ANTXR1: variants seen among roughly 807,000 people sequenced by gnomAD.
ANTXR1 encodes ANTXR cell adhesion molecule 1.
In ANTXR1, 19 loss-of-function variants were observed where a neutral mutation model predicts 78.1. The observed-to-expected ratio is 0.24, with a 90% confidence interval of 0.17 to 0.36. The LOEUF (loss-of-function observed/expected upper bound fraction) is 0.36, where lower values mean the gene tolerates loss of function less well. Ranked by LOEUF, ANTXR1 falls within the 10% of genes least tolerant of loss-of-function variation. The pLI is 1.00. For synonymous variants in ANTXR1, 273 were observed against 260.5 expected (o/e 1.05, Z -0.46); for missense variants, 518 against 718.6 (o/e 0.72, Z 3.19).
intron 10 of ANTXR1, among the ~76,000 whole-genome samples, chr2:69,120,388 G>A (rs1042165018): frequency 3.2e-4 from 48 of 152,148 alleles, no homozygotes; most frequent in African/African-American, 1.0e-3. Flanking sequence ...TGCTTGGGCC[G>A]GGTGCGGTGG....
intron 17 of ANTXR1, 27 bp downstream of exon 17, chr2:69,193,442 GTC>G (rs10627389): frequency 0.02 from 21,293 of 1,082,596 alleles, 3 homozygotes; most frequent in Non-Finnish European, 0.02. Context: ...CATTAATGGT[GTC>G]TCTCTCTCTC....
At chr2:69,182,927 T>C (rs1015251565) in intron 16 of ANTXR1, 8 of 486,292 alleles carry the variant, frequency 1.6e-5, no homozygotes, top group African/African-American at 1.4e-4. Context: ...ATAGAGAAGA[T>C]TAGCATGACC....
chr2:69,109,454 A>T (rs990744519), intron 10 of ANTXR1, among the ~76,000 whole-genome samples: 3 of 152,250 alleles, frequency 2.0e-5, no homozygotes, highest in Non-Finnish European at 4.4e-5. Flanking sequence ...CGATTTTAAG[A>T]TTTATAAAAA....
chr2:69,122,264 G>T (rs60889755), intron 10 of ANTXR1, among the ~76,000 whole-genome samples: 24,162 of 152,078 alleles, frequency 0.16, 2,145 homozygotes, highest in African/African-American at 0.23. Context: ...CTCATGTTTT[G>T]TGCTTTCCGA....
chr2:69,199,364 C>T (rs969790742), intron 17 of ANTXR1, among the ~76,000 whole-genome samples: 2 of 152,158 alleles, frequency 1.3e-5, no homozygotes, highest in Non-Finnish European at 1.5e-5. Flanking sequence ...ACCTCTCACC[C>T]TGAGAGTCTG....
chr2:69,177,949 C>T (rs563843061), intron 14 of ANTXR1, among the ~76,000 whole-genome samples: 49 of 152,280 alleles, frequency 3.2e-4, no homozygotes, highest in Non-Finnish European at 4.6e-4. Context: ...CATCCAGCCC[C>T]ATCCTCCAAT....
chr2:69,197,435 C>G (rs566895255), intron 17 of ANTXR1, among the ~76,000 whole-genome samples: 17 of 152,296 alleles, frequency 1.1e-4, no homozygotes, highest in African/African-American at 4.1e-4. Context: ...TCCTTCATCA[C>G]CTCCAAATGG....
Position 69,070,355 on chromosome 2 carries a change from T to C in ANTXR1, c.297-292T>C, listed in dbSNP as rs141323733. ...CCCATCAGGAGCAGCATTTAGAGAC[T>C]CATTTCCAATGTAGAAGGAAAACAT... On this transcript the variant is annotated intron_variant, in intron 3 of 17. Coordinates refer to ENST00000303714, the MANE Select transcript of ANTXR1 (RefSeq NM_032208.3). 2.0e-5 allele frequency among the ~76,000 whole-genome samples: 3 copies of C among 152,292 alleles called. No individual in the cohort carries two copies. The East Asian group carries it at 5.8e-4, about 29-fold the overall frequency.
intron 1 of ANTXR1, among the ~76,000 whole-genome samples, chr2:69,014,192 G>C (rs1030285045): frequency 6.6e-6 from 1 of 152,212 alleles, no homozygotes; most frequent in Non-Finnish European, 1.5e-5. Flanking sequence ...ATGAAAGGCA[G>C]GGTTTCTTAA....
At chr2:69,184,783 T>A (rs1241935902) in intron 16 of ANTXR1, among the ~76,000 whole-genome samples, 1 of 152,318 alleles carries the variant, frequency 6.6e-6, no homozygotes, top group East Asian at 1.9e-4. Flanking sequence ...GCAGCTACTG[T>A]GTGCCAGGCA....
At chr2:69,180,283 G>A (rs1305537467) in intron 14 of ANTXR1, among the ~76,000 whole-genome samples, 2 of 152,238 alleles carry the variant, frequency 1.3e-5, no homozygotes, top group African/African-American at 2.4e-5. Context: ...AAGGCTGTGA[G>A]AAGCAGGCTT....
chr2:69,214,969 A>G (rs966720073), intron 17 of ANTXR1, among the ~76,000 whole-genome samples: 1 of 152,096 alleles, frequency 6.6e-6, no homozygotes, highest in Non-Finnish European at 1.5e-5. Flanking sequence ...GTCCTATTAC[A>G]TAGCCTCTTG....
At chr2:69,040,359 T>A (rs1371391778) in intron 2 of ANTXR1, among the ~76,000 whole-genome samples, 3 of 152,234 alleles carry the variant, frequency 2.0e-5, no homozygotes, top group African/African-American at 4.8e-5. Flanking sequence ...TTTAGCATTC[T>A]CCCTTCTCTG....
At chr2:69,242,988 T>C (rs1574000530) in intron 17 of ANTXR1, among the ~76,000 whole-genome samples, 1 of 152,224 alleles carries the variant, frequency 6.6e-6, no homozygotes, top group African/African-American at 2.4e-5. Flanking sequence ...AAATTCTTTC[T>C]GCAGTGGGTG....
Position 69,249,026 on chromosome 2 carries a change from T to G in ANTXR1, c.*3541T>G, listed in dbSNP as rs887164210. On this transcript the variant is annotated 3_prime_UTR_variant, in exon 18 of 18. Transcript: ENST00000303714. ...CTTCTTTCTGTGATAATTCAGAAGATAGTTATGGATCTTCAATGCCTCTGA... is the reference window on the plus strand; with the variant it reads ...CTTCTTTCTGTGATAATTCAGAAGAGAGTTATGGATCTTCAATGCCTCTGA... 2 of 152,362 alleles carry G rather than the reference T, an allele frequency of 1.3e-5. No homozygotes were observed. The highest frequency in any genetic ancestry group is 2.9e-5 in the Non-Finnish European group (2 of 68,034). 9.4% of individuals were successfully genotyped at this position (152,362 alleles called of 1,614,324 possible). A position where few individuals can be genotyped will look rare whatever the true frequency, so the allele number is the denominator to read the frequency against.
In ANTXR1 at chr2:69,173,998, C is replaced by T. The variant is rs1674056313; in HGVS notation, c.1089+3709C>T. On this transcript the variant is annotated intron_variant, in intron 14 of 17. Coordinates refer to ENST00000303714, the MANE Select transcript of ANTXR1 (RefSeq NM_032208.3). ...ATTTTATTTGCAATGAAAAACAAAA[C>T]ATTCCTTTCCTGGAGCCTAGAGCGC... Among the ~76,000 whole-genome samples the T allele has an allele frequency of 3.3e-5, 5 of 152,218 alleles. No individual in the cohort carries two copies. The South Asian group carries it at 1.0e-3, about 32-fold the overall frequency.
chr2:69,051,382 C>T (rs1669929852), intron 3 of ANTXR1, among the ~76,000 whole-genome samples: 1 of 151,750 alleles, frequency 6.6e-6, no homozygotes, highest in Non-Finnish European at 1.5e-5. Flanking sequence ...GAATTTTATA[C>T]ATTTTGACAT....
chr2:69,086,675 C>T (rs571615608), intron 8 of ANTXR1, among the ~76,000 whole-genome samples: 2 of 152,144 alleles, frequency 1.3e-5, no homozygotes, highest in Non-Finnish European at 2.9e-5. Context: ...ATGTGAACCA[C>T]GGTCCACGCC....
chr2:69,106,379 T>A (rs1001485309), intron 10 of ANTXR1, among the ~76,000 whole-genome samples: 6 of 152,196 alleles, frequency 3.9e-5, no homozygotes, highest in Admixed American at 2.0e-4. Flanking sequence ...AGGAAAGAAG[T>A]GGGAATCTCC....
Sources: allele counts gnomAD v4.1 joint callset (sites outside exome capture counted in the v4.1 genomes callset), GRCh38; gene constraint gnomAD v4.1.1; transcripts MANE v1.5; gene names NCBI Gene and HGNC (gene_info 2026-07-23, HGNC 2026-07-21).